Variants in NIPSNAP1 observed in about 807,000 individuals in gnomAD.
The protein encoded by NIPSNAP1 is protein NipSnap homolog 1.
A neutral mutation model predicts 49.2 loss-of-function variants in NIPSNAP1; 25 were observed. The ratio of observed to expected loss-of-function variants is 0.51; its 90% CI spans 0.37 to 0.71. The LOEUF is 0.71. Among genes scored for constraint, NIPSNAP1 ranks in the 30% least tolerant of loss-of-function variants. NIPSNAP1 has a pLI of 0.00. For missense variants in NIPSNAP1, 294 were observed against 361.0 expected, an observed-to-expected ratio of 0.81 and a Z score of 1.50; for synonymous variants, 143 against 140.7, an observed-to-expected ratio of 1.02 and a Z score of -0.12.
At chr22:29,575,512 G>A (rs1421944450) in intron 1 of NIPSNAP1, among the ~76,000 whole-genome samples, 5 of 152,148 alleles carry the variant, frequency 3.3e-5, no homozygotes, top group Non-Finnish European at 7.3e-5. Context: ...ATCTGCAAGA[G>A]TACAAATGTC....
At chr22:29,572,040 C>T (rs1308281975) in intron 1 of NIPSNAP1, among the ~76,000 whole-genome samples, 2 of 152,140 alleles carry the variant, frequency 1.3e-5, no homozygotes, top group East Asian at 1.9e-4. Flanking sequence ...TGATGGCTCA[C>T]GCCTGCAATC....
chr22:29,570,359 A>G, intron 2 of NIPSNAP1, 46 bp downstream of exon 2: 2 of 1,613,594 alleles, frequency 1.2e-6, no homozygotes, highest in Non-Finnish European at 1.7e-6. Flanking sequence ...ACAGGCCCCC[A>G]GAGCCCCTGA....
intron 1 of NIPSNAP1, among the ~76,000 whole-genome samples, chr22:29,572,027 G>A (rs1219270499): frequency 6.6e-6 from 1 of 152,134 alleles, no homozygotes; most frequent in Non-Finnish European, 1.5e-5. Context: ...CTTAGGCTGG[G>A]TGTGATGGCT....
rs765391030 is a variant in NIPSNAP1 at position 29,560,786 on chromosome 22, C to T, written c.654G>A (p.Val218=). The change falls in exon 8 of 10, where the codon GTG becomes GTA. Residue 218 remains valine (V), a synonymous_variant. Coordinates refer to ENST00000216121, the MANE Select transcript of NIPSNAP1 (RefSeq NM_003634.4). ...IKYRQENQEA[V]GGFFSQIGEL... ...CTCCTATCTGTGAGAAGAAGCCGCC[C>T]ACTGCCTCCTGGTTCTCCTGCCGGT... The T allele has an allele frequency of 3.7e-6, 6 of 1,614,126 alleles. No homozygotes were observed. Among genetic ancestry groups the T allele is most frequent in the Admixed American group, 3.3e-5 (2 of 60,018 alleles).
At chr22:29,564,426 G>A (rs2064356240) in intron 4 of NIPSNAP1, 1 of 470,270 alleles carries the variant, frequency 2.1e-6, no homozygotes, top group South Asian at 1.5e-5. Flanking sequence ...ATTGGCAAGA[G>A]GAAGGAATTT....
Position 29,556,053 on chromosome 22 carries a change from TC to T in NIPSNAP1, c.791-55del, listed in dbSNP as rs2064292318. 3 of 1,477,242 alleles carry T rather than the reference TC, an allele frequency of 2.0e-6. No individual in the cohort carries two copies. In the Admixed American group the frequency reaches 5.9e-5, roughly 29 times the overall value. 91.5% of individuals were successfully genotyped at this position (1,477,242 alleles called of 1,614,324 possible). The stretch of plus-strand genomic sequence containing the variant: ...AGGGGGCTCAAGCAAGCCAACAACC[TC>T]CCCTGGCCCCACCCACACATGCTGG... On this transcript the variant is annotated intron_variant, in intron 9 of 9. Transcript: ENST00000216121.
chr22:29,574,642 G>A (rs459450), intron 1 of NIPSNAP1, among the ~76,000 whole-genome samples: 31,829 of 151,888 alleles, frequency 0.21, 3,911 homozygotes, highest in East Asian at 0.59. Flanking sequence ...AGCTGGGCAT[G>A]GTGGTGCAAT....
rs1215942380 is a variant in NIPSNAP1 at position 29,569,224 on chromosome 22, C to T, written c.336G>A (p.Trp112Ter). The T allele has an allele frequency of 6.2e-7, 1 of 1,614,040 alleles. No homozygotes were observed. The highest frequency in any genetic ancestry group is 8.5e-7 in the Non-Finnish European group (1 of 1,179,978). The part of the protein sequence containing the change: ...EDYPCSLVGN[W>*]NTWYGEQDQA... ...GGTCCTGCTCCCCATACCACGTGTT[C>T]CAGTTGCCCACGAGTGAGCATGGGT... Residue 112 changes from tryptophan (W) to a stop codon, truncating the protein, a stop_gained, in exon 4 of 10, where the codon TGG becomes TGA. Transcript: ENST00000216121. LOFTEE classifies it high-confidence loss of function.
intron 9 of NIPSNAP1, 95 bp from the exon 10 acceptor site, chr22:29,556,094 G>C (rs2064292628): frequency 4.8e-6 from 5 of 1,051,396 alleles, no homozygotes; most frequent in Non-Finnish European, 5.7e-6. Flanking sequence ...TGAGTGGGCA[G>C]GAGGAGGCCC....
At chr22:29,580,825 A>C (rs1303294066) in intron 1 of NIPSNAP1, among the ~76,000 whole-genome samples, 160 bp downstream of exon 1, 4 of 148,536 alleles carry the variant, frequency 2.7e-5, no homozygotes, top group African/African-American at 7.5e-5. Flanking sequence ...CACCTCCCCC[A>C]TTCTTTGCCC....
chr22:29,565,958 G>A (rs2064365581), intron 4 of NIPSNAP1, among the ~76,000 whole-genome samples: 1 of 152,172 alleles, frequency 6.6e-6, no homozygotes, highest in African/African-American at 2.4e-5. Context: ...GAAATAGATT[G>A]GCTTACAAGT....
At chr22:29,560,704 C>T in intron 8 of NIPSNAP1, 30 bp downstream of exon 8, 11 of 1,582,632 alleles carry the variant, frequency 7.0e-6, no homozygotes, top group Non-Finnish European at 7.8e-6. Flanking sequence ...AGAGAACTAA[C>T]AAAAGGCTCC....
At chr22:29,566,790 G>A (rs1046075192) in intron 4 of NIPSNAP1, among the ~76,000 whole-genome samples, 4 of 151,642 alleles carry the variant, frequency 2.6e-5, no homozygotes, top group Non-Finnish European at 5.9e-5. Flanking sequence ...CACCACTGCA[G>A]TCCAGCCTGG....
intron 4 of NIPSNAP1, among the ~76,000 whole-genome samples, chr22:29,563,789 T>C (rs1019142078): frequency 6.6e-6 from 1 of 151,966 alleles, no homozygotes; most frequent in African/African-American, 2.4e-5. Flanking sequence ...GAGAACAGCA[T>C]GTGACGAGGG....
Position 29,558,801 on chromosome 22 carries a change from T to A in NIPSNAP1, c.790+69A>T, listed in dbSNP as rs144852372. The A allele has an allele frequency of 3.4e-4, 392 of 1,145,270 alleles. 1 individual carries two copies. In the African/African-American group the frequency reaches 5.2e-3, roughly 15 times the overall value. The allele number at this position is 1,145,270 out of a possible 1,614,324, so 70.9% of individuals were successfully genotyped here. On this transcript the variant is annotated intron_variant, in intron 9 of 9. Transcript: ENST00000216121. The stretch of plus-strand genomic sequence containing the variant: ...CTGGAGGTAATCAAGAAAGACTAGA[T>A]CTCCTTGCAGAGAGGATTCCATCCT...
At chr22:29,564,650 G>A (rs1462254260) in intron 4 of NIPSNAP1, among the ~76,000 whole-genome samples, 2 of 151,902 alleles carry the variant, frequency 1.3e-5, no homozygotes, top group African/African-American at 4.8e-5. Flanking sequence ...CTGACCTCAG[G>A]TGATGCACCT....
rs563721392 is a variant in NIPSNAP1, at chr22:29,580,025, T to C, written c.98+960A>G. ...GCACTATCAGAACTTTGCAGCTTCA[T>C]TCCTGGGCTGCAGGGCAGGAGGGAT... is the stretch of plus-strand genomic sequence containing the variant. On this transcript the variant is annotated intron_variant, in intron 1 of 9. Transcript: ENST00000216121. 6 of 1,222,638 alleles carry C rather than the reference T, an allele frequency of 4.9e-6. No individual in the cohort carries two copies. In the African/African-American group the frequency reaches 7.8e-5, roughly 16 times the overall value. 75.7% of individuals were successfully genotyped at this position (1,222,638 alleles called of 1,614,324 possible).
chr22:29,562,691 CA>C (rs1326927691), intron 4 of NIPSNAP1, among the ~76,000 whole-genome samples: 1 of 149,920 alleles, frequency 6.7e-6, no homozygotes, highest in Non-Finnish European at 1.5e-5. Flanking sequence ...AACTCCGTCT[CA>C]AAAAAAAAGA....
chr22:29,556,291 A>G (rs1446765407), intron 9 of NIPSNAP1, among the ~76,000 whole-genome samples: 3 of 152,182 alleles, frequency 2.0e-5, no homozygotes, highest in Non-Finnish European at 2.9e-5. Context: ...TAGAGAGGCC[A>G]AGACAGGCGG....
Sources: allele counts gnomAD v4.1 joint callset (sites outside exome capture counted in the v4.1 genomes callset), GRCh38; gene constraint gnomAD v4.1.1; transcripts MANE v1.5; gene names NCBI Gene and HGNC (gene_info 2026-07-23, HGNC 2026-07-21).